ADAMTS12: variants seen among roughly 807,000 people sequenced by gnomAD.
ADAMTS12 encodes ADAM metallopeptidase with thrombospondin type 1 motif 12, also known as A disintegrin and metalloproteinase with thrombospondin motifs 12.
Under a neutral mutation model 167.8 loss-of-function variants are expected in ADAMTS12, and 118 were observed. The observed-to-expected ratio is 0.70, with a 90% CI of 0.61 to 0.82. The LOEUF (loss-of-function observed/expected upper bound fraction) is 0.82, where lower values mean the gene tolerates loss of function less well. Ranked by LOEUF, ADAMTS12 falls within the 40% of genes least tolerant of loss-of-function variation. The pLI is 0.00. For synonymous variants in ADAMTS12, 704 were observed against 716.9 expected (o/e 0.98, Z 0.29); for missense variants, 1,916 against 1,998.8 (o/e 0.96, Z 0.79).
intron 7 of ADAMTS12, 82 bp downstream of exon 7, chr5:33,658,102 G>C (rs1741125267): frequency 6.5e-7 from 1 of 1,535,884 alleles, no homozygotes; most frequent in Non-Finnish European, 8.9e-7. Context: ...CCCCCAATTT[G>C]AGGTGTGTTC....
chr5:33,827,710 AATAGATAGATAGATAGATAGATAGATAG>A (rs60023282), intron 2 of ADAMTS12, among the ~76,000 whole-genome samples: 4 of 99,004 alleles, frequency 4.0e-5, no homozygotes, highest in African/African-American at 1.4e-4. Flanking sequence ...GAGAAAACAA[AATAGATAGATAGATAGATAGATAGATAG>A]ATAGATAGAT....
intron 12 of ADAMTS12, among the ~76,000 whole-genome samples, chr5:33,632,128 A>G (rs1246058544): frequency 6.6e-6 from 1 of 152,230 alleles, no homozygotes; most frequent in Non-Finnish European, 1.5e-5. Context: ...TAAAAGAGAT[A>G]AGTGAACTAG....
At chr5:33,611,718 A>G (rs113556825) in intron 16 of ADAMTS12, among the ~76,000 whole-genome samples, 4 of 152,302 alleles carry the variant, frequency 2.6e-5, no homozygotes, top group African/African-American at 9.6e-5. Flanking sequence ...GGTTAAGGAA[A>G]TTTTACTTTA....
chr5:33,582,332 G>A (rs1329059632), intron 18 of ADAMTS12, among the ~76,000 whole-genome samples: 1 of 152,186 alleles, frequency 6.6e-6, no homozygotes, highest in African/African-American at 2.4e-5. Context: ...CACCAAAAGA[G>A]GGAGTGACAA....
At chr5:33,701,696 C>T (rs1743010471) in intron 3 of ADAMTS12, among the ~76,000 whole-genome samples, 1 of 152,114 alleles carries the variant, frequency 6.6e-6, no homozygotes, top group African/African-American at 2.4e-5. Context: ...GAGAAGAAAC[C>T]CCACAGCCTT....
chr5:33,891,537 G>T, intron 1 of ADAMTS12, 193 bp downstream of exon 1: 1 of 700,766 alleles, frequency 1.4e-6, no homozygotes, highest in East Asian at 2.7e-5. Context: ...AAGAATGAAG[G>T]ACTCATCACC....
In ADAMTS12 at chr5:33,615,848, T is replaced by A; in HGVS notation, c.2368A>T (p.Asn790Tyr). Reference sequence around the variant, plus strand: ...ATTACCTGGATCCACACAGACTCATTGGTGGGACCTGTGGCCATCAGCTTT... The same window carrying A: ...ATTACCTGGATCCACACAGACTCATAGGTGGGACCTGTGGCCATCAGCTTT... Reference protein sequence around the residue: ...LEKLMATGPTNESVWIQLLFQ... With the variant: ...LEKLMATGPTYESVWIQLLFQ... The change falls in exon 15 of 24, where the codon AAT becomes TAT. Residue 790 changes from asparagine to tyrosine, a missense_variant. Physicochemically the swap from Asn to Tyr is moderately radical, Grantham distance 143. Coordinates refer to ENST00000504830, the MANE Select transcript of ADAMTS12 (RefSeq NM_030955.4). The A allele has an allele frequency of 6.2e-7, 1 of 1,614,160 alleles. No individual in the cohort carries two copies. Among genetic ancestry groups the A allele is most frequent in the South Asian group, 1.1e-5 (1 of 91,082 alleles).
chr5:33,847,158 G>C (rs1660871955), intron 2 of ADAMTS12, among the ~76,000 whole-genome samples: 1 of 152,328 alleles, frequency 6.6e-6, no homozygotes, highest in East Asian at 1.9e-4. Context: ...AAGGCCCTGA[G>C]AGAAGGAAAA....
chr5:33,669,157 A>G (rs967625973), intron 5 of ADAMTS12, among the ~76,000 whole-genome samples: 3 of 152,232 alleles, frequency 2.0e-5, no homozygotes, highest in Non-Finnish European at 4.4e-5. Context: ...AAAATTGAAC[A>G]TGTCTATGTT....
At chr5:33,849,657 A>AT (rs1561307218) in intron 2 of ADAMTS12, among the ~76,000 whole-genome samples, 5 of 111,998 alleles carry the variant, frequency 4.5e-5, no homozygotes, top group African/African-American at 1.4e-4. Flanking sequence ...AGCAATATAT[A>AT]GTATCTATAT....
chr5:33,783,762 A>G (rs1245068122), intron 2 of ADAMTS12, among the ~76,000 whole-genome samples: 1 of 151,944 alleles, frequency 6.6e-6, no homozygotes, highest in Non-Finnish European at 1.5e-5. Flanking sequence ...GGCTTCAATG[A>G]TCAATTTTAT....
chr5:33,671,775 TAC>T (rs969638638), intron 5 of ADAMTS12, among the ~76,000 whole-genome samples: 2 of 143,702 alleles, frequency 1.4e-5, no homozygotes, highest in Non-Finnish European at 3.1e-5. Context: ...TCCACATACA[TAC>T]ACACACAACC....
At chr5:33,587,517 T>C (rs1480916413) in intron 18 of ADAMTS12, among the ~76,000 whole-genome samples, 1 of 152,206 alleles carries the variant, frequency 6.6e-6, no homozygotes, top group Non-Finnish European at 1.5e-5. Flanking sequence ...TACAGTGGCA[T>C]GATATCAGCT....
At chr5:33,571,317 C>G (rs1242836259) in intron 19 of ADAMTS12, among the ~76,000 whole-genome samples, 5 of 152,064 alleles carry the variant, frequency 3.3e-5, no homozygotes, top group Admixed American at 3.3e-4. Flanking sequence ...CACACCACAC[C>G]TATTCCAAAA....
chr5:33,800,976 T>C (rs1746977956), intron 2 of ADAMTS12, among the ~76,000 whole-genome samples: 2 of 152,150 alleles, frequency 1.3e-5, no homozygotes, highest in Non-Finnish European at 2.9e-5. Context: ...GTCACATGTA[T>C]GCTTATGAGA....
At chr5:33,827,631 T>C (rs971576253) in intron 2 of ADAMTS12, among the ~76,000 whole-genome samples, 1 of 151,900 alleles carries the variant, frequency 6.6e-6, no homozygotes, top group Non-Finnish European at 1.5e-5. Context: ...TAAAAAAACA[T>C]GTTAATAAAA....
intron 2 of ADAMTS12, among the ~76,000 whole-genome samples, chr5:33,763,955 G>A (rs1040527291): frequency 5.3e-5 from 8 of 152,152 alleles, no homozygotes; most frequent in African/African-American, 1.7e-4. Context: ...AACAGGGAAT[G>A]CATACTTGAT....
At chr5:33,864,473 C>A (rs1187826491) in intron 2 of ADAMTS12, among the ~76,000 whole-genome samples, 3 of 152,202 alleles carry the variant, frequency 2.0e-5, no homozygotes, top group Non-Finnish European at 4.4e-5. Context: ...TTTGACCCAA[C>A]AATCTGATTA....
At chr5:33,682,462 A>G (rs1424381270) in intron 5 of ADAMTS12, among the ~76,000 whole-genome samples, 1 of 151,876 alleles carries the variant, frequency 6.6e-6, no homozygotes, top group Admixed American at 6.5e-5. Context: ...CAGGACATAG[A>G]TAACATATAA....
Sources: allele counts gnomAD v4.1 joint callset (sites outside exome capture counted in the v4.1 genomes callset), GRCh38; gene constraint gnomAD v4.1.1; transcripts MANE v1.5; gene names NCBI Gene and HGNC (gene_info 2026-07-23, HGNC 2026-07-21).